Variants in TMCC1 observed in about 807,000 individuals in gnomAD.
The protein encoded by TMCC1 is transmembrane and coiled-coil domains protein 1.
TMCC1 carries 15 observed loss-of-function variants against 52.4 expected under a neutral mutation model. The observed-to-expected ratio is 0.29, with a 90% confidence interval of 0.19 to 0.44. The LOEUF is 0.44. Ranked by LOEUF, TMCC1 falls within the 20% of genes least tolerant of loss-of-function variation. TMCC1 has a pLI of 1.00. For synonymous variants in TMCC1, 279 were observed against 301.9 expected (o/e 0.92, Z 0.79); for missense variants, 503 against 806.0 (o/e 0.62, Z 4.55).
intron 4 of TMCC1, among the ~76,000 whole-genome samples, chr3:129,761,569 C>T (rs984385629): frequency 7.2e-5 from 11 of 152,084 alleles, no homozygotes; most frequent in African/African-American, 2.7e-4. Flanking sequence ...AATTTCTTGT[C>T]TTTTTGGGTC....
At chr3:129,759,956 C>T (rs922127906) in intron 4 of TMCC1, among the ~76,000 whole-genome samples, 3 of 151,348 alleles carry the variant, frequency 2.0e-5, no homozygotes, top group Non-Finnish European at 4.4e-5. Flanking sequence ...CTCCTGACCT[C>T]GTGATCCACC....
rs1343985429 is a variant in TMCC1 at position 129,797,401 on chromosome 3, T to C, written c.576+30402A>G. 2.6e-5 allele frequency among the ~76,000 whole-genome samples: 4 copies of C among 151,460 alleles called. No homozygotes were observed. The South Asian group carries it at 6.3e-4, about 24-fold the overall frequency. On this transcript the variant is annotated intron_variant, in intron 4 of 6. Coordinates refer to ENST00000393238, the MANE Select transcript of TMCC1 (RefSeq NM_001017395.5). ...AGATGCATCAAATTCAAACAAATAA[T>C]AGGCTGCCAAGTCTCCAAAAAAAAA...
chr3:129,720,579 G>C (rs929986007), intron 4 of TMCC1, among the ~76,000 whole-genome samples: 2 of 152,132 alleles, frequency 1.3e-5, no homozygotes, highest in African/African-American at 4.8e-5. Flanking sequence ...AGGTCCACCT[G>C]AGCCCCCCAA....
At chr3:129,722,182 C>T (rs956974424) in intron 4 of TMCC1, among the ~76,000 whole-genome samples, 1 of 152,132 alleles carries the variant, frequency 6.6e-6, no homozygotes, top group Non-Finnish European at 1.5e-5. Flanking sequence ...AGGAACCAGG[C>T]CACACAGTAG....
intron 1 of TMCC1, among the ~76,000 whole-genome samples, chr3:129,881,329 C>A (rs1388995222): frequency 2.0e-5 from 3 of 152,098 alleles, no homozygotes; most frequent in African/African-American, 4.8e-5. Flanking sequence ...ATATTAAAAT[C>A]TATTTCAAGT....
chr3:129,649,072 T>C lies in TMCC1; in HGVS notation c.*2409A>G, dbSNP rs1029312221. On this transcript the variant is annotated 3_prime_UTR_variant, in exon 7 of 7. Transcript: ENST00000393238. ...CAGGTGAAAACCTTCCTTTGATAGA[T>C]AGAAACCGTCCCAGGGCAAATAGGA... 4.6e-5 allele frequency: 7 copies of C among 152,142 alleles called. No individual in the cohort carries two copies. Among genetic ancestry groups the C allele is most frequent in the East Asian group, 1.9e-4 (1 of 5,196 alleles). 9.4% of individuals were successfully genotyped at this position (152,142 alleles called of 1,614,324 possible).
At chr3:129,761,916 G>A (rs1338957015) in intron 4 of TMCC1, among the ~76,000 whole-genome samples, 3 of 147,772 alleles carry the variant, frequency 2.0e-5, no homozygotes, top group Admixed American at 6.9e-5. Context: ...TCTTGAACCT[G>A]GGAGGCAGAG....
At chr3:129,855,789 A>C (rs28429425) in intron 2 of TMCC1, among the ~76,000 whole-genome samples, 1 of 152,190 alleles carries the variant, frequency 6.6e-6, no homozygotes, top group Non-Finnish European at 1.5e-5. Flanking sequence ...TGTTTCAAAA[A>C]TTTTTCTTAA....
chr3:129,859,658 ACACACACAC>A (rs2060297926), intron 2 of TMCC1, among the ~76,000 whole-genome samples: 1 of 1,522 alleles, frequency 6.6e-4, no homozygotes, highest in Non-Finnish European at 9.1e-3. Context: ...ACATACACAC[ACACACACAC>A]ACACACACAC....
At chr3:129,740,242 T>C (rs1281813144) in intron 4 of TMCC1, among the ~76,000 whole-genome samples, 2 of 152,222 alleles carry the variant, frequency 1.3e-5, no homozygotes, top group Admixed American at 1.3e-4. Flanking sequence ...CCAATCACTA[T>C]GAATTTCTAT....
intron 4 of TMCC1, among the ~76,000 whole-genome samples, chr3:129,721,640 C>T (rs2049594799): frequency 6.7e-6 from 1 of 148,166 alleles, no homozygotes; most frequent in Non-Finnish European, 1.5e-5. Context: ...GCAGGCAGAT[C>T]ACGAGGTCAG....
rs914824169 is a variant in TMCC1 at position 129,754,590 on chromosome 3, G to C, written c.576+73213C>G. Among the ~76,000 whole-genome samples the C allele has an allele frequency of 2.6e-5, 4 of 152,258 alleles. No homozygotes were observed. In the South Asian group the frequency reaches 6.2e-4, roughly 24 times the overall value. On this transcript the variant is annotated intron_variant, in intron 4 of 6. Coordinates refer to ENST00000393238, the MANE Select transcript of TMCC1 (RefSeq NM_001017395.5). ...TATAGCCAACTGCATTTTTACAAAG[G>C]TGCAAAGGTAATTCAATGGAGAAAA...
chr3:129,886,661 C>T (rs914920456), intron 1 of TMCC1, among the ~76,000 whole-genome samples: 5 of 151,942 alleles, frequency 3.3e-5, no homozygotes, highest in African/African-American at 7.3e-5. Flanking sequence ...AAGGGCAAGC[C>T]GGGTGCAATG....
intron 4 of TMCC1, among the ~76,000 whole-genome samples, chr3:129,690,602 T>C (rs1419286198): frequency 6.6e-6 from 1 of 152,110 alleles, no homozygotes; most frequent in Non-Finnish European, 1.5e-5. Flanking sequence ...AGGAAGTGAG[T>C]GTGTAACCTA....
chr3:129,740,408 C>T (rs765266933), intron 4 of TMCC1, among the ~76,000 whole-genome samples: 14 of 152,224 alleles, frequency 9.2e-5, no homozygotes, highest in East Asian at 1.9e-4. Context: ...ACTTTGTACT[C>T]GTCATTAAAA....
At chr3:129,845,785 C>T (rs979860738) in intron 2 of TMCC1, among the ~76,000 whole-genome samples, 1 of 152,066 alleles carries the variant, frequency 6.6e-6, no homozygotes, top group African/African-American at 2.4e-5. Context: ...GTAAAATACC[C>T]TGAAATTCCA....
intron 5 of TMCC1, among the ~76,000 whole-genome samples, chr3:129,669,313 G>A (rs1258704264): frequency 6.6e-6 from 1 of 152,104 alleles, no homozygotes; most frequent in African/African-American, 2.4e-5. Context: ...ATCGGGACAG[G>A]GCCAGAACCC....
At chr3:129,720,668 G>A (rs2049504630) in intron 4 of TMCC1, among the ~76,000 whole-genome samples, 1 of 151,954 alleles carries the variant, frequency 6.6e-6, no homozygotes, top group East Asian at 1.9e-4. Flanking sequence ...TCAAAATTGT[G>A]AGCAAATAAA....
intron 4 of TMCC1, among the ~76,000 whole-genome samples, chr3:129,732,558 T>G: frequency 6.6e-6 from 1 of 152,206 alleles, no homozygotes; most frequent in East Asian, 1.9e-4. Flanking sequence ...TCCCAGTACT[T>G]TCTAGGTCAA....
Sources: gnomAD v4.1 joint callset for allele counts (sites outside exome capture counted in the v4.1 genomes callset) on GRCh38, gnomAD v4.1.1 for gene constraint, MANE v1.5 for transcripts, NCBI Gene and HGNC (gene_info 2026-07-23, HGNC 2026-07-21) for gene names.